NTM: variants seen among roughly 807,000 people sequenced by gnomAD.
The protein encoded by NTM is neurotrimin.
Under a neutral mutation model 42.1 loss-of-function variants are expected in NTM, and 13 were observed. That is an observed-to-expected ratio of 0.31 (90% CI 0.20 to 0.49). NTM has a LOEUF of 0.49. Ranked by LOEUF, NTM falls within the 20% of genes least tolerant of loss-of-function variation. The pLI is 0.99. For missense variants in NTM, 373 were observed against 452.8 expected, an observed-to-expected ratio of 0.82 and a Z score of 1.60; for synonymous variants, 187 against 179.2, an observed-to-expected ratio of 1.04 and a Z score of -0.35.
At chr11:131,946,969 A>C (rs764091783) in intron 2 of NTM, among the ~76,000 whole-genome samples, 9 of 152,216 alleles carry the variant, frequency 5.9e-5, no homozygotes, top group Non-Finnish European at 1.2e-4. Flanking sequence ...CTAATGGTAT[A>C]CAAATTAAAA....
chr11:132,020,249 T>C (rs569153198), intron 2 of NTM, among the ~76,000 whole-genome samples: 21 of 152,248 alleles, frequency 1.4e-4, no homozygotes, highest in African/African-American at 4.6e-4. Context: ...GATGGGCACC[T>C]GGGCTGATTC....
chr11:131,811,709 A>G (rs1267347731), intron 1 of NTM, among the ~76,000 whole-genome samples: 1 of 152,182 alleles, frequency 6.6e-6, no homozygotes, highest in East Asian at 1.9e-4. Flanking sequence ...GTGAGTCGTG[A>G]TGGATGGGCT....
intron 1 of NTM, among the ~76,000 whole-genome samples, chr11:131,540,164 T>G (rs1030954094): frequency 1.6e-5 from 2 of 124,920 alleles, no homozygotes; most frequent in African/African-American, 7.8e-5. Context: ...GTTTTTTTTT[T>G]TTTTTTTTTT....
At chr11:131,834,207 C>T (rs577910520) in intron 1 of NTM, among the ~76,000 whole-genome samples, 10 of 152,160 alleles carry the variant, frequency 6.6e-5, no homozygotes, top group Admixed American at 3.9e-4. Context: ...ACCACACTCA[C>T]GTGCCTTGAG....
At chr11:132,071,454 T>C (rs2057661105) in intron 2 of NTM, among the ~76,000 whole-genome samples, 1 of 152,270 alleles carries the variant, frequency 6.6e-6, no homozygotes, top group Non-Finnish European at 1.5e-5. Flanking sequence ...TATTAAGCCC[T>C]TGATGCCTGT....
At chr11:131,706,852 T>C (rs563490048) in intron 1 of NTM, among the ~76,000 whole-genome samples, 6 of 152,154 alleles carry the variant, frequency 3.9e-5, no homozygotes, top group African/African-American at 1.4e-4. Flanking sequence ...TTTATATTAC[T>C]TTATTTTTAA....
At chr11:132,300,866 C>T (rs983198563) in intron 4 of NTM, among the ~76,000 whole-genome samples, 1 of 152,186 alleles carries the variant, frequency 6.6e-6, no homozygotes, top group Non-Finnish European at 1.5e-5. Flanking sequence ...CAGTCTCTCA[C>T]ATGGCCTCTG....
chr11:131,492,156 A>G (rs1591819160), intron 1 of NTM, among the ~76,000 whole-genome samples: 1 of 152,328 alleles, frequency 6.6e-6, no homozygotes, highest in Admixed American at 6.5e-5. Context: ...TTGCATTTGT[A>G]TAGCACTGTG....
chr11:131,597,378 C>T (rs537255891), intron 1 of NTM, among the ~76,000 whole-genome samples: 5 of 152,112 alleles, frequency 3.3e-5, no homozygotes, highest in African/African-American at 4.8e-5. Flanking sequence ...CCTCCACTTG[C>T]GCTGCTTTCC....
intron 4 of NTM, among the ~76,000 whole-genome samples, chr11:132,258,028 A>T (rs1165824977): frequency 6.6e-6 from 1 of 152,248 alleles, no homozygotes; most frequent in Non-Finnish European, 1.5e-5. Context: ...ACACATGGAC[A>T]GCTGCTGGGG....
At chr11:132,245,887 G>A (rs993460998) in intron 4 of NTM, among the ~76,000 whole-genome samples, 7 of 152,150 alleles carry the variant, frequency 4.6e-5, no homozygotes, top group African/African-American at 1.7e-4. Context: ...AGAGACTCGG[G>A]GAGCCAAGGC....
chr11:131,678,191 C>T (rs1340543129), intron 1 of NTM, among the ~76,000 whole-genome samples: 2 of 152,202 alleles, frequency 1.3e-5, no homozygotes, highest in Non-Finnish European at 2.9e-5. Flanking sequence ...GAGGAGAGAA[C>T]ACAGGTGCCT....
At chr11:131,874,030 A>AATATAATATAATAT (rs1491528420) in intron 1 of NTM, among the ~76,000 whole-genome samples, 2 of 76,638 alleles carry the variant, frequency 2.6e-5, no homozygotes, top group African/African-American at 7.4e-5. Flanking sequence ...AATATAATAT[A>AATATAATATAATAT]ATATATATAT....
chr11:132,170,240 A>G (rs73595472), intron 3 of NTM, among the ~76,000 whole-genome samples: 2,979 of 152,340 alleles, frequency 0.02, 83 homozygotes, highest in African/African-American at 0.065. Flanking sequence ...ATAGGCCTCT[A>G]AAGAATAATA....
intron 1 of NTM, among the ~76,000 whole-genome samples, chr11:131,396,726 C>T (rs997158470): frequency 3.3e-5 from 5 of 151,770 alleles, no homozygotes; most frequent in African/African-American, 4.8e-5. Context: ...CCCAGCTACT[C>T]GAGAGGCTGA....
At chr11:131,828,783 C>A (rs1407783980) in intron 1 of NTM, among the ~76,000 whole-genome samples, 1 of 152,134 alleles carries the variant, frequency 6.6e-6, no homozygotes, top group Non-Finnish European at 1.5e-5. Flanking sequence ...TCTCACTAAC[C>A]TAGTCTCTAT....
At chr11:131,854,125 A>G (rs991746998) in intron 1 of NTM, among the ~76,000 whole-genome samples, 1 of 152,188 alleles carries the variant, frequency 6.6e-6, no homozygotes, top group African/African-American at 2.4e-5. Flanking sequence ...TTTACATCTC[A>G]TAACTGAAGT....
intron 2 of NTM, among the ~76,000 whole-genome samples, chr11:131,958,189 C>T (rs1279090757): frequency 6.6e-6 from 1 of 152,184 alleles, no homozygotes; most frequent in Non-Finnish European, 1.5e-5. Context: ...TAATCCCACA[C>T]ATCCGACCCA....
intron 1 of NTM, among the ~76,000 whole-genome samples, chr11:131,448,062 A>G (rs1950198494): frequency 6.6e-6 from 1 of 152,212 alleles, no homozygotes; most frequent in African/African-American, 2.4e-5. Context: ...CTGCCAGACC[A>G]CATCTGTCCT....
Sources: gnomAD v4.1 joint callset for allele counts (sites outside exome capture counted in the v4.1 genomes callset) on GRCh38, gnomAD v4.1.1 for gene constraint, MANE v1.5 for transcripts, NCBI Gene and HGNC (gene_info 2026-07-23, HGNC 2026-07-21) for gene names.